BRCA1: variants seen among roughly 807,000 people sequenced by gnomAD.
BRCA1 encodes breast cancer type 1 susceptibility protein.
Under a neutral mutation model 173.7 loss-of-function variants are expected in BRCA1, and 140 were observed. That is an observed-to-expected ratio of 0.81 (90% CI 0.70 to 0.93). The LOEUF (loss-of-function observed/expected upper bound fraction) is 0.93, where lower values mean the gene tolerates loss of function less well. Ranked by LOEUF, BRCA1 falls within the 40% of genes least tolerant of loss-of-function variation. The probability of loss-of-function intolerance (pLI) is 0.00; values close to 1 mark genes in which losing one functional copy is unlikely to be tolerated. For missense variants in BRCA1, 1,983 were observed against 2,172.5 expected (o/e 0.91, Z 1.73); for synonymous variants, 662 against 756.0 (o/e 0.88, Z 2.04).
At chr17:43,125,840 T>C (rs563017140), upstream of BRCA1, 99 of 156,296 alleles carry the variant, frequency 6.3e-4, 2 homozygotes, top group South Asian at 0.014. Context: ...CGTTGCGGAA[T>C]GAAAGGTCTT....
intron 11 of BRCA1, among the ~76,000 whole-genome samples, chr17:43,084,523 G>T (rs557616849): frequency 6.6e-6 from 1 of 152,336 alleles, no homozygotes; most frequent in East Asian, 1.9e-4. Context: ...TTGCCAAAAA[G>T]TCCAGTGGGG....
At chr17:43,103,214 C>A (rs1002377658) in intron 6 of BRCA1, among the ~76,000 whole-genome samples, 1 of 152,102 alleles carries the variant, frequency 6.6e-6, no homozygotes, top group Non-Finnish European at 1.5e-5. Flanking sequence ...CGCCTGTAAT[C>A]CCAGCACTCT....
intron 1 of BRCA1, among the ~76,000 whole-genome samples, chr17:43,136,325 A>C (rs1487336595): frequency 6.6e-6 from 1 of 152,246 alleles, no homozygotes; most frequent in East Asian, 1.9e-4. Context: ...CTAAAACCAT[A>C]AAAACCCTAA....
At chr17:43,144,885 C>A in intron 1 of BRCA1, 1 of 531,584 alleles carries the variant, frequency 1.9e-6, no homozygotes, top group South Asian at 1.6e-5. Flanking sequence ...GGCCAGGCAG[C>A]CCAGCTTCGC....
At chr17:43,052,780 A>AACACACAC (rs562562021) in intron 19 of BRCA1, among the ~76,000 whole-genome samples, 214 of 118,068 alleles carry the variant, frequency 1.8e-3, no homozygotes, top group African/African-American at 5.1e-3. Flanking sequence ...GACGGACAGA[A>AACACACAC]ACACACACAC....
chr17:43,165,196 C>T (rs990183435), intron 1 of BRCA1, among the ~76,000 whole-genome samples: 1 of 151,942 alleles, frequency 6.6e-6, no homozygotes, highest in East Asian at 1.9e-4. Context: ...CTTTTTAACC[C>T]TTTATAATTT....
At chr17:43,075,066 C>CGGAAGGAA (rs8176207) in intron 13 of BRCA1, among the ~76,000 whole-genome samples, 197 of 147,252 alleles carry the variant, frequency 1.3e-3, no homozygotes, top group Middle Eastern at 3.4e-3. Context: ...AAGGAAAGGA[C>CGGAAGGAA]GGAAGGAAGG....
chr17:43,153,856 CAG>C (rs1196700690), intron 1 of BRCA1, among the ~76,000 whole-genome samples: 1 of 152,170 alleles, frequency 6.6e-6, no homozygotes, highest in Non-Finnish European at 1.5e-5. Flanking sequence ...TTTGTAAAAA[CAG>C]TGTAGTAGGT....
rs2153892782 is a variant in BRCA1, at chr17:43,071,207, G to A, written c.4707C>T (p.Ser1569=). The A allele has an allele frequency of 6.2e-7, 1 of 1,614,178 alleles. No individual in the cohort carries two copies. Among genetic ancestry groups the A allele is most frequent in the Non-Finnish European group, 8.5e-7 (1 of 1,180,018 alleles). The change falls in exon 15 of 23, where the codon AGC becomes AGT. Residue 1569 remains serine, a synonymous_variant. Coordinates refer to ENST00000357654, the MANE Select transcript of BRCA1 (RefSeq NM_007294.4). Reference sequence around the variant, plus strand: ...CAGATTCAGGGTCATCAGAGAAGAGGCTGATTCCAGATTCCAGGTAAGGGG... The same window carrying A: ...CAGATTCAGGGTCATCAGAGAAGAGACTGATTCCAGATTCCAGGTAAGGGG... ...EGTPYLESGI[S]LFSDDPESDP...
chr17:43,112,820 T>G (rs1205726270), intron 3 of BRCA1, among the ~76,000 whole-genome samples: 1 of 150,580 alleles, frequency 6.6e-6, no homozygotes, highest in Non-Finnish European at 1.5e-5. Flanking sequence ...TTTTTTTTTT[T>G]TGAGACAGTT....
At chr17:43,141,607 GATCGAGACC>G (rs1217353258) in intron 1 of BRCA1, among the ~76,000 whole-genome samples, 3 of 151,958 alleles carry the variant, frequency 2.0e-5, no homozygotes, top group Non-Finnish European at 4.4e-5. Flanking sequence ...GAGGTCAGGA[GATCGAGACC>G]ATCTTGGTTA....
intron 11 of BRCA1, among the ~76,000 whole-genome samples, chr17:43,083,562 T>G (rs2053112565): frequency 6.6e-6 from 1 of 152,154 alleles, no homozygotes; most frequent in African/African-American, 2.4e-5. Context: ...CCAGGCGCTG[T>G]CCTAGTACTG....
In BRCA1 at chr17:43,125,271, C is replaced by T. The variant is rs886039588; in HGVS notation, c.-20G>A. On this transcript the variant is annotated splice_region_variant and 5_prime_UTR_variant, in exon 1 of 23. Coordinates refer to ENST00000357654, the MANE Select transcript of BRCA1 (RefSeq NM_007294.4). ...TGTCCCTTTCCCGGGACTCTACTAC[C>T]TTTACCCAGAGCAGAGGGTGAAGGC... The T allele has an allele frequency of 2.2e-6, 1 of 456,182 alleles. No individual in the cohort carries two copies. The highest frequency in any genetic ancestry group is 2.0e-5 in the African/African-American group (1 of 50,072). The allele number at this position is 456,182 out of a possible 1,614,324, so 28.3% of individuals were successfully genotyped here.
At chr17:43,088,983 T>C (rs2053337987) in intron 11 of BRCA1, among the ~76,000 whole-genome samples, 1 of 152,182 alleles carries the variant, frequency 6.6e-6, no homozygotes, top group Non-Finnish European at 1.5e-5. Flanking sequence ...AATTTTTGCA[T>C]GAGAACTTGG....
chr17:43,145,950 ATTAC>A (rs1183437047), intron 1 of BRCA1, among the ~76,000 whole-genome samples: 2 of 152,156 alleles, frequency 1.3e-5, no homozygotes, highest in African/African-American at 2.4e-5. Context: ...AACATTTTAA[ATTAC>A]TTCCATCCCC....
Position 43,076,283 on chromosome 17 carries a change from C to T in BRCA1, c.4484+205G>A, listed in dbSNP as rs570924244. On this transcript the variant is annotated intron_variant, in intron 13 of 22. Coordinates refer to ENST00000357654, the MANE Select transcript of BRCA1 (RefSeq NM_007294.4). ...TTCAGAAGGGACATATCTATCTAAC[C>T]GCACATTTCTCATGTTGTAGCTTAT... 6.6e-5 allele frequency among the ~76,000 whole-genome samples: 10 copies of T among 151,932 alleles called. No individual in the cohort carries two copies. The South Asian group carries it at 1.2e-3, about 19-fold the overall frequency.
At chr17:43,067,985 C>T (rs941472879) in intron 15 of BRCA1, among the ~76,000 whole-genome samples, 16 of 150,954 alleles carry the variant, frequency 1.1e-4, no homozygotes, top group African/African-American at 3.6e-4. Context: ...TTCTAAGACA[C>T]CTGAAGTCTC....
At chr17:43,101,813 A>C (rs1327013646) in intron 6 of BRCA1, among the ~76,000 whole-genome samples, 1 of 151,662 alleles carries the variant, frequency 6.6e-6, no homozygotes, top group Non-Finnish European at 1.5e-5. Context: ...CAGAATGATT[A>C]CTTTTTAAGA....
chr17:43,086,763 C>T (rs1166604360), intron 11 of BRCA1, among the ~76,000 whole-genome samples: 2 of 152,140 alleles, frequency 1.3e-5, no homozygotes, highest in African/African-American at 4.8e-5. Context: ...GACAGAGTCC[C>T]AAACCCACAT....
Sources: gnomAD v4.1 joint callset for allele counts (sites outside exome capture counted in the v4.1 genomes callset) on GRCh38, gnomAD v4.1.1 for gene constraint, MANE v1.5 for transcripts, NCBI Gene and HGNC (gene_info 2026-07-23, HGNC 2026-07-21) for gene names.